ERC2: variants seen among roughly 807,000 people sequenced by gnomAD.
ERC2 encodes the protein ELKS/RAB6-interacting/CAST family member 2.
A neutral mutation model predicts 114.8 loss-of-function variants in ERC2; 42 were observed. That is an observed-to-expected ratio of 0.37 (90% CI 0.29 to 0.47). The LOEUF is 0.47. Ranked by LOEUF, ERC2 falls within the 20% of genes least tolerant of loss-of-function variation. ERC2 has a pLI of 0.99. For synonymous variants in ERC2, 454 were observed against 425.5 expected (o/e 1.07, Z -0.82); for missense variants, 939 against 1,150.7 (o/e 0.82, Z 2.66).
At chr3:56,325,998 CTG>C (rs2057344812) in intron 2 of ERC2, among the ~76,000 whole-genome samples, 2 of 152,326 alleles carry the variant, frequency 1.3e-5, no homozygotes, top group Admixed American at 1.3e-4. Flanking sequence ...CTTGCAGACT[CTG>C]TACAACCACC....
chr3:55,554,259 T>A (rs2055436946), intron 17 of ERC2, among the ~76,000 whole-genome samples: 1 of 152,138 alleles, frequency 6.6e-6, no homozygotes, highest in South Asian at 2.1e-4. Flanking sequence ...TAGACTGAAA[T>A]GGCTTTAAAA....
At chr3:55,582,133 A>G (rs890136476) in intron 17 of ERC2, among the ~76,000 whole-genome samples, 2 of 152,086 alleles carry the variant, frequency 1.3e-5, no homozygotes, top group Admixed American at 6.6e-5. Context: ...AACATGTCCC[A>G]TAGGAAGCAA....
At chr3:56,282,335 T>C (rs2054402963) in intron 3 of ERC2, among the ~76,000 whole-genome samples, 1 of 151,960 alleles carries the variant, frequency 6.6e-6, no homozygotes, top group South Asian at 2.1e-4. Flanking sequence ...ACCAACATAT[T>C]AAGAGAAAGA....
chr3:56,209,898 G>A (rs1040944896), intron 3 of ERC2, among the ~76,000 whole-genome samples: 1 of 152,130 alleles, frequency 6.6e-6, no homozygotes, highest in Admixed American at 6.6e-5. Flanking sequence ...TTGCTTTGTG[G>A]AGTTGAGAGA....
At chr3:55,535,545 G>A (rs2053943718) in intron 17 of ERC2, among the ~76,000 whole-genome samples, 1 of 152,178 alleles carries the variant, frequency 6.6e-6, no homozygotes, top group African/African-American at 2.4e-5. Context: ...ACTGGTGTGA[G>A]CCACCGGCAG....
At chr3:56,162,968 T>G (rs2082132998) in intron 4 of ERC2, among the ~76,000 whole-genome samples, 1 of 152,104 alleles carries the variant, frequency 6.6e-6, no homozygotes, top group Admixed American at 6.6e-5. Flanking sequence ...GATTGTTAAT[T>G]TGAGATCCTT....
At chr3:55,603,869 C>A (rs2058524890) in intron 17 of ERC2, among the ~76,000 whole-genome samples, 1 of 151,952 alleles carries the variant, frequency 6.6e-6, no homozygotes, top group Admixed American at 6.6e-5. Context: ...TTTAAAAAGA[C>A]AAAATCCAAT....
intron 4 of ERC2, 68 bp downstream of exon 4, chr3:56,173,378 T>C: frequency 7.1e-7 from 1 of 1,409,752 alleles, no homozygotes; most frequent in South Asian, 1.2e-5. Context: ...ATGTTTATAT[T>C]AGGCACCACC....
chr3:56,044,227 C>G (rs755456198), intron 7 of ERC2, among the ~76,000 whole-genome samples: 13 of 152,230 alleles, frequency 8.5e-5, no homozygotes, highest in Middle Eastern at 3.4e-3. Flanking sequence ...AGGGAGAATT[C>G]GTTTTGGGAA....
intron 12 of ERC2, among the ~76,000 whole-genome samples, chr3:55,966,752 A>C (rs1387779614): frequency 6.6e-6 from 1 of 152,124 alleles, no homozygotes; most frequent in Non-Finnish European, 1.5e-5. Flanking sequence ...AACCATGATA[A>C]TCCTACCACC....
chr3:56,458,125 G>T lies in ERC2; in HGVS notation c.-141+10123C>A, dbSNP rs184756797. The stretch of plus-strand genomic sequence containing the variant: ...ACATAACAGAATGGCTTAATTCTTT[G>T]TTACTAATGTCTATTATGAAAGAAC... On this transcript the variant is annotated intron_variant, in intron 1 of 17. Coordinates refer to ENST00000288221, the MANE Select transcript of ERC2 (RefSeq NM_015576.3). Among the ~76,000 whole-genome samples, 9 of 152,268 alleles carry T rather than the reference G, an allele frequency of 5.9e-5. No individual in the cohort carries two copies. In the East Asian group the frequency reaches 1.7e-3, roughly 29 times the overall value.
At chr3:55,617,457 G>A (rs1471841252) in intron 17 of ERC2, among the ~76,000 whole-genome samples, 1 of 152,164 alleles carries the variant, frequency 6.6e-6, no homozygotes, top group African/African-American at 2.4e-5. Context: ...GTCTCTCAAG[G>A]AGACTTACCA....
In ERC2 at chr3:56,219,074, C is replaced by T. The variant is rs551579095; in HGVS notation, c.1075-45554G>A. 1.1e-4 allele frequency among the ~76,000 whole-genome samples: 16 copies of T among 152,156 alleles called. No individual in the cohort carries two copies. The East Asian group carries it at 2.9e-3, about 28-fold the overall frequency. On this transcript the variant is annotated intron_variant, in intron 3 of 17. Transcript: ENST00000288221. ...ATGGGTGCAGCACACCAACATGGCA[C>T]ATGCATACATATGTAACAAACCTGC... is the stretch of plus-strand genomic sequence containing the variant.
intron 13 of ERC2, among the ~76,000 whole-genome samples, chr3:55,934,030 A>G (rs958610473): frequency 2.0e-5 from 3 of 152,186 alleles, no homozygotes; most frequent in Non-Finnish European, 2.9e-5. Context: ...GGAGGCCATG[A>G]TGTTTCATGG....
In ERC2 at chr3:55,943,814, C is replaced by A. The variant is rs543501183; in HGVS notation, c.2403+6611G>T. Among the ~76,000 whole-genome samples, 12 of 152,258 alleles carry A rather than the reference C, an allele frequency of 7.9e-5. No individual in the cohort carries two copies. In the East Asian group the frequency reaches 2.1e-3, roughly 27 times the overall value. On this transcript the variant is annotated intron_variant, in intron 13 of 17. Coordinates refer to ENST00000288221, the MANE Select transcript of ERC2 (RefSeq NM_015576.3). ...TGGGGTCTCCAGTTTATAGTCCAAG[C>A]TTCACCTCAAAATAAGCCCATAGAT...
In ERC2 at chr3:56,397,539, G is replaced by C. The variant is rs555652743; in HGVS notation, c.657+36812C>G. Among the ~76,000 whole-genome samples the C allele has an allele frequency of 3.3e-5, 5 of 152,164 alleles. No individual in the cohort carries two copies. In the South Asian group the frequency reaches 1.0e-3, roughly 32 times the overall value. On this transcript the variant is annotated intron_variant, in intron 2 of 17. Transcript: ENST00000288221. ...TTTCCACTTACATAATGATGCAACT[G>C]TTTCATATTGGTACATACAAACATA...
intron 17 of ERC2, among the ~76,000 whole-genome samples, chr3:55,539,107 G>A (rs1159941163): frequency 2.0e-5 from 3 of 152,100 alleles, no homozygotes; most frequent in African/African-American, 7.2e-5. Context: ...GATAATAAGA[G>A]AGAAAAACCT....
chr3:55,811,978 C>T (rs553108125), intron 14 of ERC2, among the ~76,000 whole-genome samples: 1 of 152,270 alleles, frequency 6.6e-6, no homozygotes, highest in Admixed American at 6.5e-5. Context: ...TATTCAGCTC[C>T]ACATGCATCA....
chr3:55,857,218 C>T lies in ERC2; in HGVS notation c.2564+31171G>A, dbSNP rs115897163. Among the ~76,000 whole-genome samples, 456 of 152,046 alleles carry T rather than the reference C, an allele frequency of 3.0e-3. 9 individuals carry two copies. Among genetic ancestry groups the T allele is most frequent in the African/African-American group, 1.0e-2 (414 of 41,472 alleles). ...AAAGAAAAATAAAACAGAGAGGGTA[C>T]GAGGACAGAGGGTGACAGGGAAGAC... On this transcript the variant is annotated intron_variant, in intron 14 of 17. Transcript: ENST00000288221.
Sources: gnomAD v4.1 joint callset for allele counts (sites outside exome capture counted in the v4.1 genomes callset) on GRCh38, gnomAD v4.1.1 for gene constraint, MANE v1.5 for transcripts, NCBI Gene and HGNC (gene_info 2026-07-23, HGNC 2026-07-21) for gene names.